The following DNAJA4 variants were observed in gnomAD, a reference collection of about 807,000 sequenced individuals.
DNAJA4 encodes dnaJ homolog subfamily A member 4.
Under a neutral mutation model 39.7 loss-of-function variants are expected in DNAJA4, and 32 were observed. The observed-to-expected ratio is 0.81, with a 90% confidence interval of 0.61 to 1.08. The LOEUF (loss-of-function observed/expected upper bound fraction) is 1.08. Among genes scored for constraint, DNAJA4 ranks in the 50% least tolerant of loss-of-function variants. DNAJA4 has a pLI of 0.00. For missense variants in DNAJA4, 439 were observed against 505.1 expected, an observed-to-expected ratio of 0.87 and a Z score of 1.25; for synonymous variants, 184 against 182.4, an observed-to-expected ratio of 1.01 and a Z score of -0.07.
At position 78,264,647 on chromosome 15, in the gene DNAJA4, G is replaced by C. The variant is rs2049066413; in HGVS notation, c.-117G>C. 7 of 1,012,618 alleles carry C rather than the reference G, an allele frequency of 6.9e-6. No individual in the cohort carries two copies. The allele number at this position is 1,012,618 out of a possible 1,614,324, so 62.7% of individuals were successfully genotyped here. ...ACAAGCGGCGGCGGCGGCGGCGACC[G>C]TGACCGTGACGCGCGAGCGGGCGGC... On this transcript the variant is annotated 5_prime_UTR_variant, in exon 1 of 7. Coordinates refer to ENST00000394852, the MANE Select transcript of DNAJA4 (RefSeq NM_001130182.2).
chr15:78,270,569 G>A lies in DNAJA4; in HGVS notation c.205G>A (p.Glu69Lys). ...AAGGGATGTTTATGACCAAGGCGGA[G>A]AGCAGGCAATTAAAGAAGGAGGCTC... ...KKRDVYDQGG[E>K]QAIKEGGSGS... The change falls in exon 2 of 7, where the codon GAG becomes AAG. Residue 69 changes from glutamate to lysine, a missense_variant. By Grantham distance (56) the Glu-to-Lys change is moderately conservative (BLOSUM62 1). Coordinates refer to ENST00000394852, the MANE Select transcript of DNAJA4 (RefSeq NM_001130182.2). 1 of 1,614,210 alleles carries A rather than the reference G, an allele frequency of 6.2e-7. No individual in the cohort carries two copies. The highest frequency in any genetic ancestry group is 8.5e-7 in the Non-Finnish European group (1 of 1,180,042).
At chr15:78,265,941 C>CT in intron 1 of DNAJA4, 1 of 588,718 alleles carries the variant, frequency 1.7e-6, no homozygotes, top group Non-Finnish European at 3.0e-6. Flanking sequence ...GAGAAAGCTA[C>CT]TTCAGGACGG....
intron 5 of DNAJA4, among the ~76,000 whole-genome samples, chr15:78,278,826 A>C (rs371654299): frequency 2.3e-5 from 2 of 87,502 alleles, no homozygotes; most frequent in Admixed American, 1.4e-4. Flanking sequence ...TAGTTTTTCT[A>C]TTTTTTTTTT....
At chr15:78,270,093 G>T (rs1595923885) in intron 1 of DNAJA4, 1 of 157,210 alleles carries the variant, frequency 6.4e-6, no homozygotes, top group African/African-American at 2.4e-5. Context: ...GTAAACTAGT[G>T]AAATGATTCC....
upstream of DNAJA4, chr15:78,264,303 C>T (rs2049053346): frequency 3.6e-6 from 5 of 1,385,840 alleles, no homozygotes; most frequent in South Asian, 1.6e-5. Flanking sequence ...CCGCCTTCTC[C>T]GGCCCCCGCC....
chr15:78,274,260 T>C lies in DNAJA4; in HGVS notation c.482T>C (p.Ile161Thr). The C allele has an allele frequency of 6.2e-7, 1 of 1,613,996 alleles. No individual in the cohort carries two copies. Among genetic ancestry groups the C allele is most frequent in the Non-Finnish European group, 8.5e-7 (1 of 1,180,000 alleles). The change falls in exon 4 of 7, where the codon ATC becomes ACC. Residue 161 changes from isoleucine to threonine, a missense_variant. Ile to Thr is a moderately conservative substitution (Grantham distance 89). Transcript: ENST00000394852. ...CPLCKGRGMQ[I>T]HIQQIGPGMV... ...CTGTGCAAGGGGCGGGGGATGCAGA[T>C]CCACATCCAGCAGATCGGGCCGGGC...
Position 78,275,556 on chromosome 15 carries a change from G to A in DNAJA4, c.705G>A (p.Leu235=). The stretch of plus-strand genomic sequence containing the variant: ...GAGAAGGAGATCAGGAGCCTGAGCT[G>A]GAGCCTGGTGATGTCATAATTGTGC... The part of the protein sequence containing the change: ...FHGEGDQEPE[L]EPGDVIIVLD... Residue 235 remains leucine, a synonymous_variant, in exon 5 of 7, where the codon CTG becomes CTA. Transcript: ENST00000394852. 6.2e-7 allele frequency: 1 copy of A among 1,614,214 alleles called. No individual in the cohort carries two copies. Among genetic ancestry groups the A allele is most frequent in the Non-Finnish European group, 8.5e-7 (1 of 1,180,028 alleles).
At chr15:78,268,492 G>C (rs891731931) in intron 1 of DNAJA4, among the ~76,000 whole-genome samples, 1 of 152,038 alleles carries the variant, frequency 6.6e-6, no homozygotes. Context: ...TTTCAATCAG[G>C]GATCTGTAGA....
intron 1 of DNAJA4, chr15:78,265,376 G>T: frequency 1.5e-6 from 1 of 663,180 alleles, no homozygotes; most frequent in South Asian, 1.7e-5. Context: ...TTGGACAAAC[G>T]CCGTGCCTCT....
At position 78,279,854 on chromosome 15, in the gene DNAJA4, C is replaced by T; in HGVS notation, c.878-191C>T. ...CCCAGAGCACAGGCCAGAGTCTCAG[C>T]CTGAGCCCCTTCCCCAGGCAGTACC... On this transcript the variant is annotated intron_variant, in intron 5 of 6. Coordinates refer to ENST00000394852, the MANE Select transcript of DNAJA4 (RefSeq NM_001130182.2). This position sits in a 1 kb window ranked among gnomAD's most constrained non-coding sequence, Gnocchi z 4.5. 1.6e-6 allele frequency: 1 copy of T among 609,888 alleles called. No homozygotes were observed. The highest frequency in any genetic ancestry group is 2.9e-6 in the Non-Finnish European group (1 of 345,180). The allele number at this position is 609,888 out of a possible 1,614,324, so 37.8% of individuals were successfully genotyped here.
In DNAJA4 at chr15:78,280,409, C is replaced by T. The variant is rs115264933; in HGVS notation, c.1143C>T (p.Tyr381=). 1.4e-4 allele frequency: 226 copies of T among 1,613,862 alleles called. No homozygotes were observed. The African/African-American group carries it at 2.6e-3, about 18-fold the overall frequency. ...EQNWRQHREA[Y]EEDEDGPQAG... ...ACTGGCGTCAGCACAGGGAGGCCTA[C>T]GAGGAGGACGAAGACGGGCCCCAGG... is the stretch of plus-strand genomic sequence containing the variant. The change falls in exon 7 of 7, where the codon TAC becomes TAT. Residue 381 remains tyrosine (Y), a synonymous_variant. Transcript: ENST00000394852.
chr15:78,265,114 A>C (rs567903593), intron 1 of DNAJA4, among the ~76,000 whole-genome samples: 1 of 152,212 alleles, frequency 6.6e-6, no homozygotes, highest in Non-Finnish European at 1.5e-5. Context: ...GTGGTGCGGC[A>C]CTTGGGTCCC....
rs756515235 is a variant in DNAJA4 at position 78,264,814 on chromosome 15, G to C, written c.51G>C (p.Ala17=). ...YYDILGVKPS[A]SPEEIKKAYR... ...ACATCCTGGGCGTGAAGCCCAGCGC[G>C]TCCCCGGAGGAGATCAAGAAGGCCT... Residue 17 remains alanine, a synonymous_variant, in exon 1 of 7, where the codon GCG becomes GCC. Coordinates refer to ENST00000394852, the MANE Select transcript of DNAJA4 (RefSeq NM_001130182.2). 2 of 1,610,714 alleles carry C rather than the reference G, an allele frequency of 1.2e-6. No individual in the cohort carries two copies. The highest frequency in any genetic ancestry group is 1.1e-5 in the South Asian group (1 of 90,714).
chr15:78,278,273 T>G (rs2049533538), intron 5 of DNAJA4: 1 of 455,638 alleles, frequency 2.2e-6, no homozygotes, highest in Admixed American at 2.4e-5. Context: ...GCATGGGGAG[T>G]AGGGCTTGAG....
chr15:78,266,497 C>T (rs995636045), intron 1 of DNAJA4, among the ~76,000 whole-genome samples: 1 of 152,188 alleles, frequency 6.6e-6, no homozygotes, highest in Non-Finnish European at 1.5e-5. Flanking sequence ...AAATGAGGCC[C>T]TTGGCAGTGA....
At chr15:78,275,383 T>C (rs1567118207) in intron 4 of DNAJA4, 115 bp from the exon 5 acceptor site, 2 of 825,906 alleles carry the variant, frequency 2.4e-6, no homozygotes, top group East Asian at 5.2e-5. Flanking sequence ...CTGCATGAGG[T>C]TGGGAGACTT....
intron 4 of DNAJA4, chr15:78,275,046 C>CA (rs1220138904): frequency 1.1e-5 from 2 of 178,324 alleles, no homozygotes; most frequent in African/African-American, 4.8e-5. Flanking sequence ...GCCAAACCGA[C>CA]ACAGGTGTTA....
upstream of DNAJA4, chr15:78,264,559 T>G (rs2141419385): frequency 1.7e-6 from 2 of 1,200,436 alleles, no homozygotes; most frequent in South Asian, 8.1e-5. Flanking sequence ...AGCCGGTGGC[T>G]CTAGTGCGGT....
chr15:78,273,533 C>T (rs1397205882), intron 3 of DNAJA4, among the ~76,000 whole-genome samples: 1 of 152,216 alleles, frequency 6.6e-6, no homozygotes, highest in Non-Finnish European at 1.5e-5. Context: ...AAATCAGACA[C>T]TTGACCTCAT....
Sources: allele counts gnomAD v4.1 joint callset (sites outside exome capture counted in the v4.1 genomes callset), GRCh38; gene constraint gnomAD v4.1.1; non-coding constraint Gnocchi (gnomAD v3.1); transcripts MANE v1.5; gene names NCBI Gene and HGNC (gene_info 2026-07-23, HGNC 2026-07-21).